The following ACLY variants were observed in gnomAD, a reference collection of about 807,000 sequenced individuals.
ACLY encodes ATP-citrate synthase.
A neutral mutation model predicts 133.0 loss-of-function variants in ACLY; 41 were observed. The observed-to-expected ratio is 0.31, with a 90% CI of 0.24 to 0.40. The LOEUF is 0.40. ACLY is among the 10% of genes least tolerant of loss of function. The probability of loss-of-function intolerance (pLI) is 1.00; values close to 1 mark genes in which losing one functional copy is unlikely to be tolerated. For synonymous variants in ACLY, 495 were observed against 549.3 expected (o/e 0.90, Z 1.38); for missense variants, 1,046 against 1,453.8 (o/e 0.72, Z 4.56).
chr17:41,919,087 T>C (rs2050136921), upstream of ACLY: 1 of 1,213,372 alleles, frequency 8.2e-7, no homozygotes, highest in Admixed American at 3.2e-5. Context: ...CTCCTCCCAA[T>C]TCGCTGCTGG....
At chr17:41,896,507 T>C (rs2049369713) in intron 14 of ACLY, 113 bp downstream of exon 14, 15 of 953,548 alleles carry the variant, frequency 1.6e-5, no homozygotes, top group Non-Finnish European at 2.2e-5. Flanking sequence ...GGACAGAAAA[T>C]AGACCAGACG....
chr17:41,882,416 T>C (rs2144260785), intron 20 of ACLY, among the ~76,000 whole-genome samples: 1 of 137,298 alleles, frequency 7.3e-6, no homozygotes, highest in South Asian at 2.5e-4. Flanking sequence ...CAGTTTTTGC[T>C]GTTAATGATA....
At position 41,878,034 on chromosome 17, in the gene ACLY, G is replaced by A. The variant is rs560162784; in HGVS notation, c.2487+69C>T. The A allele has an allele frequency of 9.7e-5, 112 of 1,150,306 alleles. No homozygotes were observed. The South Asian group carries it at 1.6e-3, about 17-fold the overall frequency. 71.3% of individuals were successfully genotyped at this position (1,150,306 alleles called of 1,614,324 possible). The stretch of plus-strand genomic sequence containing the variant: ...TTCCAAGAGTTCAAGGCAAATCAAC[G>A]CGAAACCCACCACCATAGACCCACA... On this transcript the variant is annotated intron_variant, in intron 22 of 28. Coordinates refer to ENST00000352035, the MANE Select transcript of ACLY (RefSeq NM_001096.3).
chr17:41,928,705 T>C (rs1362479599), intron 1 of ACLY, among the ~76,000 whole-genome samples: 3 of 151,684 alleles, frequency 2.0e-5, no homozygotes, highest in Admixed American at 1.3e-4. Flanking sequence ...TACAAAAAAT[T>C]AGCTGGGCAT....
intron 5 of ACLY, among the ~76,000 whole-genome samples, 183 bp downstream of exon 5, chr17:41,909,327 G>A (rs1303219942): frequency 1.3e-5 from 2 of 152,090 alleles, no homozygotes; most frequent in Non-Finnish European, 2.9e-5. Context: ...GGATGCTGGC[G>A]GCATATTTCA....
intron 16 of ACLY, 111 bp from the exon 17 acceptor site, chr17:41,887,814 A>G: frequency 1.2e-6 from 1 of 861,698 alleles, no homozygotes; most frequent in Non-Finnish European, 1.9e-6. Flanking sequence ...TCCAGGGTCC[A>G]AGAACAAAGT....
intron 22 of ACLY, 42 bp from the exon 23 acceptor site, chr17:41,874,007 C>G: frequency 6.5e-7 from 1 of 1,546,226 alleles, no homozygotes; most frequent in Non-Finnish European, 8.8e-7. Context: ...CCCTGGTGAC[C>G]ACCACAGATT....
chr17:41,904,101 G>A (rs774103464), intron 10 of ACLY, among the ~76,000 whole-genome samples: 17 of 147,550 alleles, frequency 1.2e-4, no homozygotes, highest in Non-Finnish European at 1.8e-4. Context: ...TCAACAACAA[G>A]AGTGAAACTC....
intron 3 of ACLY, among the ~76,000 whole-genome samples, 174 bp from the exon 4 acceptor site, chr17:41,910,458 G>A (rs2049868791): frequency 6.6e-6 from 1 of 152,214 alleles, no homozygotes; most frequent in Non-Finnish European, 1.5e-5. Flanking sequence ...AAGTCCTCAG[G>A]AGATGCCCTT....
In ACLY at chr17:41,884,205, C is replaced by G. The variant is rs1343629640; in HGVS notation, c.2142G>C (p.Val714=). The change falls in exon 19 of 29, where the codon GTG becomes GTC. Residue 714 remains valine, a synonymous_variant. Coordinates refer to ENST00000352035, the MANE Select transcript of ACLY (RefSeq NM_001096.3). ...TAAAGTAACTCACCTCTCCAAGAAC[C>G]ACAATCATTTTGACTCCTGGAGTGT... ...YQDTPGVKMI[V]VLGEIGGTEE... The G allele has an allele frequency of 4.4e-6, 7 of 1,604,990 alleles. No individual in the cohort carries two copies. In the African/African-American group the frequency reaches 9.4e-5, roughly 21 times the overall value.
intron 11 of ACLY, among the ~76,000 whole-genome samples, chr17:41,899,280 A>G (rs77435146): frequency 1.5e-4 from 22 of 149,648 alleles, no homozygotes; most frequent in Non-Finnish European, 2.8e-4. Flanking sequence ...CTTGTCTCCA[A>G]AAAAAAAAAA....
At chr17:41,881,746 GCCA>G (rs1450629246) in intron 20 of ACLY, among the ~76,000 whole-genome samples, 3 of 152,054 alleles carry the variant, frequency 2.0e-5, no homozygotes, top group Non-Finnish European at 4.4e-5. Context: ...ATATGCCCCT[GCCA>G]CCACGTCTGG....
At chr17:41,909,472 T>G in intron 5 of ACLY, 38 bp downstream of exon 5, 1 of 1,601,974 alleles carries the variant, frequency 6.2e-7, no homozygotes, top group South Asian at 1.1e-5. Context: ...GGTCTTCTCA[T>G]CCGAACTGCC....
chr17:41,897,783 C>A lies in ACLY; in HGVS notation c.1395G>T (p.Ala465=), dbSNP rs387907379. 3.7e-6 allele frequency: 6 copies of A among 1,612,676 alleles called. No individual in the cohort carries two copies. Among genetic ancestry groups the A allele is most frequent in the African/African-American group, 1.3e-5 (1 of 74,898 alleles). Residue 465 remains alanine, a synonymous_variant, in exon 13 of 29, where the codon GCG becomes GCT. Coordinates refer to ENST00000352035, the MANE Select transcript of ACLY (RefSeq NM_001096.3). ...TGGCAGGCTTGGCCTTCTTTGCAGG[C>A]GCCACCTCATCGGCCCTGGACTCAG... ...SFSESRADEV[A]PAKKAKPAMP... is the part of the protein sequence containing the mutation.
At chr17:41,917,151 A>G (rs1386064991) in intron 1 of ACLY, among the ~76,000 whole-genome samples, 1 of 151,670 alleles carries the variant, frequency 6.6e-6, no homozygotes, top group Admixed American at 6.6e-5. Context: ...AAAAAAAAAA[A>G]AAAAAGAATA....
chr17:41,915,280 C>A (rs1240252753), intron 1 of ACLY, among the ~76,000 whole-genome samples: 1 of 152,090 alleles, frequency 6.6e-6, no homozygotes, highest in Non-Finnish European at 1.5e-5. Flanking sequence ...AAGAGCTTGG[C>A]CGGATCAGGA....
intron 17 of ACLY, 74 bp from the exon 18 acceptor site, chr17:41,886,382 C>G (rs1555628162): frequency 7.0e-7 from 1 of 1,428,948 alleles, no homozygotes; most frequent in Non-Finnish European, 9.5e-7. Flanking sequence ...AAAGCCCCTG[C>G]ATTACTGCCC....
At chr17:41,892,738 A>G (rs2049250018) in intron 15 of ACLY, among the ~76,000 whole-genome samples, 1 of 151,714 alleles carries the variant, frequency 6.6e-6, no homozygotes, top group South Asian at 2.1e-4. Context: ...GTGCAGTGGC[A>G]TAATTAGAGT....
intron 1 of ACLY, among the ~76,000 whole-genome samples, chr17:41,930,051 T>C (rs888633686): frequency 6.6e-6 from 1 of 152,200 alleles, no homozygotes; most frequent in Non-Finnish European, 1.5e-5. Flanking sequence ...GGTGAGGGAA[T>C]GGGGAAGGAC....
Sources: allele counts gnomAD v4.1 joint callset (sites outside exome capture counted in the v4.1 genomes callset), GRCh38; gene constraint gnomAD v4.1.1; transcripts MANE v1.5; gene names NCBI Gene and HGNC (gene_info 2026-07-23, HGNC 2026-07-21).